Variants in ARHGEF18 observed in about 807,000 individuals in gnomAD.
ARHGEF18 encodes the protein rho guanine nucleotide exchange factor 18.
ARHGEF18 carries 93 observed loss-of-function variants against 155.7 expected under a neutral mutation model. The ratio of observed to expected loss-of-function variants is 0.60; its 90% CI spans 0.50 to 0.71. The LOEUF (loss-of-function observed/expected upper bound fraction) is 0.71, where lower values mean the gene tolerates loss of function less well. Ranked by LOEUF, ARHGEF18 falls within the 30% of genes least tolerant of loss-of-function variation. The probability of loss-of-function intolerance (pLI) is 0.00; values close to 1 mark genes in which losing one functional copy is unlikely to be tolerated. For missense variants in ARHGEF18, 1,593 were observed against 1,816.1 expected (o/e 0.88, Z 2.23); for synonymous variants, 742 against 753.1 (o/e 0.99, Z 0.24).
At chr19:7,404,956 CTTTA>C (rs377467932) in intron 10 of ARHGEF18, among the ~76,000 whole-genome samples, 1,606 of 151,686 alleles carry the variant, frequency 0.011, 21 homozygotes, top group African/African-American at 0.025. Context: ...GACTCGGGTG[CTTTA>C]TTTTTATTTT....
At position 7,440,633 on chromosome 19, in the gene ARHGEF18, G is replaced by T. The variant is rs1974581392; in HGVS notation, c.1106+151G>T. The T allele has an allele frequency of 8.7e-7, 1 of 1,152,188 alleles. No individual in the cohort carries two copies. Among genetic ancestry groups the T allele is most frequent in the Non-Finnish European group, 1.2e-6 (1 of 841,606 alleles). 71.4% of individuals were successfully genotyped at this position (1,152,188 alleles called of 1,614,324 possible). A position where few individuals can be genotyped will look rare whatever the true frequency, so the allele number is the denominator to read the frequency against. ...AGCAGAGAAATTCCCATTAACGCTT[G>T]CTTCCAGGATCCACGCCTTTTTTGC... is the stretch of plus-strand genomic sequence containing the variant. On this transcript the variant is annotated intron_variant, in intron 11 of 28. Coordinates refer to ENST00000668164, the MANE Select transcript of ARHGEF18 (RefSeq NM_001367823.1). This position sits in a 1 kb window ranked among gnomAD's most constrained non-coding sequence, Gnocchi z 5.4.
intron 15 of ARHGEF18, among the ~76,000 whole-genome samples, chr19:7,448,960 G>A (rs1975186666): frequency 6.6e-6 from 1 of 152,140 alleles, no homozygotes; most frequent in Non-Finnish European, 1.5e-5. Flanking sequence ...TGGTTCTGCA[G>A]TGGCATTCTA....
At chr19:7,365,900 T>A (rs1969868204) in intron 2 of ARHGEF18, among the ~76,000 whole-genome samples, 1 of 152,178 alleles carries the variant, frequency 6.6e-6, no homozygotes, top group Non-Finnish European at 1.5e-5. Context: ...GCCACCTGCC[T>A]GCATCTTGGC....
At chr19:7,354,418 T>C (rs1341251595) in intron 1 of ARHGEF18, among the ~76,000 whole-genome samples, 2 of 151,620 alleles carry the variant, frequency 1.3e-5, no homozygotes, top group African/African-American at 4.9e-5. Context: ...ATGTAAACAA[T>C]TGGGAGACTG....
intron 1 of ARHGEF18, among the ~76,000 whole-genome samples, chr19:7,357,712 G>C (rs1001824005): frequency 6.6e-6 from 1 of 152,134 alleles, no homozygotes; most frequent in Non-Finnish European, 1.5e-5. Context: ...GTAATTGGCT[G>C]TCTGGGCACC....
chr19:7,434,399 C>A (rs1414001869), intron 10 of ARHGEF18, among the ~76,000 whole-genome samples: 1 of 152,114 alleles, frequency 6.6e-6, no homozygotes, highest in Non-Finnish European at 1.5e-5. Context: ...ATTTTTTCCC[C>A]CTCAGGTCAG....
chr19:7,382,565 A>C (rs1245684346), intron 8 of ARHGEF18, among the ~76,000 whole-genome samples: 2 of 152,134 alleles, frequency 1.3e-5, no homozygotes, highest in African/African-American at 4.8e-5. Context: ...TTCCCTCTGT[A>C]AACCCAGTCC....
intron 5 of ARHGEF18, among the ~76,000 whole-genome samples, chr19:7,377,549 T>A (rs1375141822): frequency 1.3e-5 from 2 of 151,846 alleles, no homozygotes; most frequent in African/African-American, 4.8e-5. Flanking sequence ...CTTGGGAGGC[T>A]GAGGCAGGTG....
downstream of ARHGEF18, chr19:7,476,892 T>C (rs974185477): frequency 1.7e-5 from 6 of 344,160 alleles, no homozygotes; most frequent in Admixed American, 1.9e-4. Flanking sequence ...CCACAATGTT[T>C]AATTGATTCC....
intron 10 of ARHGEF18, among the ~76,000 whole-genome samples, chr19:7,411,623 T>TA (rs369653756): frequency 1.3e-5 from 2 of 152,084 alleles, no homozygotes; most frequent in Non-Finnish European, 2.9e-5. Flanking sequence ...CATCTTTTTT[T>TA]AAAAAAATCA....
chr19:7,409,802 C>T (rs1972565798), intron 10 of ARHGEF18, among the ~76,000 whole-genome samples: 1 of 133,248 alleles, frequency 7.5e-6, no homozygotes, highest in Non-Finnish European at 1.6e-5. Flanking sequence ...TGGAGTCTCA[C>T]TCTGTCGCCT....
intron 10 of ARHGEF18, among the ~76,000 whole-genome samples, chr19:7,401,891 T>A (rs1028482517): frequency 1.3e-5 from 2 of 152,198 alleles, no homozygotes; most frequent in African/African-American, 2.4e-5. Context: ...GGAATATTAC[T>A]TGGCCATGAA....
intron 10 of ARHGEF18, among the ~76,000 whole-genome samples, chr19:7,398,702 A>AG (rs1568298000): frequency 9.3e-5 from 14 of 151,232 alleles, no homozygotes; most frequent in African/African-American, 3.4e-4. Context: ...AAAAAAAAAA[A>AG]AAAAATAAAG....
At chr19:7,428,974 A>G (rs1432054721) in intron 10 of ARHGEF18, among the ~76,000 whole-genome samples, 1 of 152,186 alleles carries the variant, frequency 6.6e-6, no homozygotes, top group Non-Finnish European at 1.5e-5. Context: ...GCTGTGCAAT[A>G]AAGTCGGGAG....
chr19:7,351,350 G>A (rs1426641012), intron 1 of ARHGEF18, among the ~76,000 whole-genome samples: 6 of 151,352 alleles, frequency 4.0e-5, no homozygotes, highest in African/African-American at 4.9e-5. Flanking sequence ...TTGAGATGGA[G>A]TCTTGTTCTA....
chr19:7,412,045 T>A (rs1192626490), intron 10 of ARHGEF18, among the ~76,000 whole-genome samples: 2 of 151,882 alleles, frequency 1.3e-5, no homozygotes, highest in Non-Finnish European at 2.9e-5. Context: ...GTTTTTCTTT[T>A]TTTTTTTTGA....
intron 10 of ARHGEF18, among the ~76,000 whole-genome samples, chr19:7,421,719 G>GCACA (rs1165884646): frequency 6.6e-6 from 1 of 152,128 alleles, no homozygotes; most frequent in Non-Finnish European, 1.5e-5. Flanking sequence ...CTGAGATGGT[G>GCACA]CCACTGCACT....
intron 10 of ARHGEF18, among the ~76,000 whole-genome samples, chr19:7,427,665 G>A (rs1202246865): frequency 6.7e-6 from 1 of 150,202 alleles, no homozygotes; most frequent in African/African-American, 2.5e-5. Context: ...AAAAAAGAAG[G>A]CCGGGCGCAG....
chr19:7,403,650 G>T (rs993209366), intron 10 of ARHGEF18, among the ~76,000 whole-genome samples: 3 of 150,390 alleles, frequency 2.0e-5, no homozygotes, highest in Admixed American at 6.7e-5. Context: ...CAATCCTCCC[G>T]CTTTGTCCTC....
Sources: allele counts gnomAD v4.1 joint callset (sites outside exome capture counted in the v4.1 genomes callset), GRCh38; gene constraint gnomAD v4.1.1; non-coding constraint Gnocchi (gnomAD v3.1); transcripts MANE v1.5; gene names NCBI Gene and HGNC (gene_info 2026-07-23, HGNC 2026-07-21).